PARD3: variants seen among roughly 807,000 people sequenced by gnomAD.
The protein encoded by PARD3 is partitioning defective 3 homolog.
In PARD3, 75 loss-of-function variants were observed where a neutral mutation model predicts 155.4. The ratio of observed to expected loss-of-function variants is 0.48; its 90% confidence interval spans 0.40 to 0.58. The LOEUF is 0.58. Ranked by LOEUF, PARD3 falls within the 20% of genes least tolerant of loss-of-function variation. The pLI is 0.00. For synonymous variants in PARD3, 576 were observed against 610.5 expected (o/e 0.94, Z 0.83); for missense variants, 1,642 against 1,721.7 (o/e 0.95, Z 0.82).
At chr10:34,154,965 A>G (rs949584282) in intron 22 of PARD3, among the ~76,000 whole-genome samples, 3 of 152,242 alleles carry the variant, frequency 2.0e-5, no homozygotes, top group Non-Finnish European at 4.4e-5. Flanking sequence ...GAGGTGTGAC[A>G]ATGGTTCCTA....
chr10:34,111,532 G>A lies in PARD3; in HGVS notation c.3699C>T (p.Ser1233=), dbSNP rs374281684. The A allele has an allele frequency of 2.7e-5, 43 of 1,600,688 alleles. No homozygotes were observed. Among genetic ancestry groups the A allele is most frequent in the Non-Finnish European group, 3.6e-5 (42 of 1,170,648 alleles). The change falls in exon 25 of 25, where the codon TCC becomes TCT. Residue 1233 remains serine, a synonymous_variant. Transcript: ENST00000374788. ...AGTAGTTCTGCTCCCAAGAGTCCTG[G>A]GAGACCGAGCTGGCATTTTTCCTGC... ...RQSRKNASSV[S]QDSWEQNYSP... is the part of the protein sequence containing the mutation.
intron 22 of PARD3, among the ~76,000 whole-genome samples, chr10:34,190,691 A>C (rs1296378172): frequency 6.6e-6 from 1 of 152,170 alleles, no homozygotes; most frequent in East Asian, 1.9e-4. Context: ...ACAACTCTTC[A>C]GTGTACTGCA....
chr10:34,687,846 C>CTTTTTTTTTTTTTTTTT lies in PARD3; in HGVS notation c.222+8455_222+8471dup, dbSNP rs397846339. 7.8e-5 allele frequency among the ~76,000 whole-genome samples: 5 copies of CTTTTTTTTTTTTTTTTT among 63,712 alleles called. 1 individual carries two copies. The highest frequency in any genetic ancestry group is 2.9e-4 in the African/African-American group (4 of 13,808). The allele number at this position is 63,712 out of a possible 152,430, so 41.8% of individuals were successfully genotyped here. A position where few individuals can be genotyped will look rare whatever the true frequency, so the allele number is the denominator to read the frequency against. ...ATGCCCGGTCAGTTACACCTGAAAT[C>CTTTTTTTTTTTTTTTTT]TTTTTTTTTTTTTTTTTTTTTTTTT... On this transcript the variant is annotated intron_variant, in intron 2 of 24. Coordinates refer to ENST00000374788, the MANE Select transcript of PARD3 (RefSeq NM_001184785.2).
intron 2 of PARD3, among the ~76,000 whole-genome samples, chr10:34,604,355 C>A (rs1035884704): frequency 6.6e-6 from 1 of 152,010 alleles, no homozygotes; most frequent in African/African-American, 2.4e-5. Flanking sequence ...CAGCTTCCAA[C>A]AAATTTAAAG....
chr10:34,662,563 C>T (rs1304091286), intron 2 of PARD3, among the ~76,000 whole-genome samples: 1 of 152,108 alleles, frequency 6.6e-6, no homozygotes, highest in Non-Finnish European at 1.5e-5. Context: ...CAATGGAGTA[C>T]TATTCAGCCA....
At chr10:34,563,007 G>A (rs2085628486) in intron 2 of PARD3, among the ~76,000 whole-genome samples, 1 of 152,058 alleles carries the variant, frequency 6.6e-6, no homozygotes, top group South Asian at 2.1e-4. Flanking sequence ...CCGCCTTTAA[G>A]CAATTCTTCA....
At chr10:34,231,266 CA>C (rs57175956) in intron 22 of PARD3, among the ~76,000 whole-genome samples, 3,415 of 81,612 alleles carry the variant, frequency 0.042, 48 homozygotes, top group East Asian at 0.12. Context: ...TAATCTTAGG[CA>C]AAAAAAAAAA....
intron 22 of PARD3, among the ~76,000 whole-genome samples, chr10:34,179,915 T>C (rs944484228): frequency 2.0e-5 from 3 of 150,354 alleles, no homozygotes; most frequent in Non-Finnish European, 4.4e-5. Flanking sequence ...AAATGCCTTA[T>C]TTTTTTTTTA....
chr10:34,562,017 C>G (rs958750343), intron 2 of PARD3, among the ~76,000 whole-genome samples: 2 of 145,142 alleles, frequency 1.4e-5, no homozygotes, highest in Non-Finnish European at 3.0e-5. Context: ...GCCTGTAGTT[C>G]CAGCTACTTG....
At chr10:34,153,163 T>C (rs1212876214) in intron 22 of PARD3, among the ~76,000 whole-genome samples, 2 of 152,188 alleles carry the variant, frequency 1.3e-5, no homozygotes, top group Non-Finnish European at 1.5e-5. Flanking sequence ...ACACTGAGTA[T>C]ACACGGATGC....
intron 3 of PARD3, among the ~76,000 whole-genome samples, chr10:34,504,214 G>A (rs993356225): frequency 8.6e-5 from 13 of 151,666 alleles, no homozygotes; most frequent in African/African-American, 2.2e-4. Context: ...ACTGCAGCCC[G>A]AACTCCTTGG....
At chr10:34,297,988 G>C (rs1431194910) in intron 20 of PARD3, among the ~76,000 whole-genome samples, 1 of 152,220 alleles carries the variant, frequency 6.6e-6, no homozygotes, top group Non-Finnish European at 1.5e-5. Context: ...TCAAAGTCCA[G>C]CTCTGCCTCT....
At chr10:34,694,731 G>A (rs2094134290) in intron 2 of PARD3, among the ~76,000 whole-genome samples, 1 of 152,040 alleles carries the variant, frequency 6.6e-6, no homozygotes, top group South Asian at 2.1e-4. Flanking sequence ...GGAGCCACAT[G>A]GGACAAATTC....
Position 34,399,431 on chromosome 10 carries a change from A to G in PARD3, c.807-18T>C, listed in dbSNP as rs1234928176. On this transcript the variant is annotated intron_variant, in intron 6 of 24. Transcript: ENST00000374788. ...CCATATCACTGTGAGACAATGATGA[A>G]TGAGGGAGCATGAACGTGTACTGTA... is the stretch of plus-strand genomic sequence containing the variant. 2 of 1,509,012 alleles carry G rather than the reference A, an allele frequency of 1.3e-6. No individual in the cohort carries two copies. The highest frequency in any genetic ancestry group is 2.2e-5 in the South Asian group (2 of 88,962). The allele number at this position is 1,509,012 out of a possible 1,614,324, so 93.5% of individuals were successfully genotyped here. A position where few individuals can be genotyped will look rare whatever the true frequency, so the allele number is the denominator to read the frequency against.
intron 5 of PARD3, among the ~76,000 whole-genome samples, chr10:34,413,303 TTTAA>T (rs1413882835): frequency 6.6e-6 from 1 of 152,102 alleles, no homozygotes; most frequent in Admixed American, 6.6e-5. Context: ...CATGGATGTG[TTTAA>T]TTGTGTGTAG....
At chr10:34,383,056 AC>A in intron 8 of PARD3, 134 bp from the exon 9 acceptor site, 1 of 853,268 alleles carries the variant, frequency 1.2e-6, no homozygotes, top group Non-Finnish European at 1.9e-6. Context: ...AATTCTAATA[AC>A]CCATTTATCA....
intron 2 of PARD3, among the ~76,000 whole-genome samples, chr10:34,679,616 G>T (rs2093774642): frequency 2.0e-5 from 3 of 152,184 alleles, no homozygotes. Flanking sequence ...ATAGTCACAA[G>T]CATTACGAAT....
intron 10 of PARD3, among the ~76,000 whole-genome samples, chr10:34,377,488 G>A (rs572206814): frequency 2.0e-5 from 3 of 152,316 alleles, no homozygotes; most frequent in African/African-American, 7.2e-5. Context: ...TACCAGGGGG[G>A]CTGAGGCAGG....
At chr10:34,573,085 G>C (rs2086562565) in intron 2 of PARD3, among the ~76,000 whole-genome samples, 1 of 152,168 alleles carries the variant, frequency 6.6e-6, no homozygotes, top group Non-Finnish European at 1.5e-5. Flanking sequence ...TCAGGTGATG[G>C]CTCACATCTG....
Sources: allele counts gnomAD v4.1 joint callset (sites outside exome capture counted in the v4.1 genomes callset), GRCh38; gene constraint gnomAD v4.1.1; transcripts MANE v1.5; gene names NCBI Gene and HGNC (gene_info 2026-07-23, HGNC 2026-07-21).